Variants in HIVEP1 observed in about 807,000 individuals in gnomAD.
The protein encoded by HIVEP1 is zinc finger protein 40.
A neutral mutation model predicts 180.0 loss-of-function variants in HIVEP1; 36 were observed. That is an observed-to-expected ratio of 0.20 (90% CI 0.15 to 0.26). The LOEUF (loss-of-function observed/expected upper bound fraction) is 0.26, where lower values mean the gene tolerates loss of function less well. Among genes scored for constraint, HIVEP1 ranks in the 10% least tolerant of loss-of-function variants. The pLI is 1.00. For synonymous variants in HIVEP1, 1,239 were observed against 1,239.0 expected, an observed-to-expected ratio of 1.00 and a Z score of 0.00; for missense variants, 3,143 against 3,268.7, an observed-to-expected ratio of 0.96 and a Z score of 0.94.
intron 2 of HIVEP1, among the ~76,000 whole-genome samples, chr6:12,075,779 C>G (rs1772311851): frequency 6.6e-6 from 1 of 152,176 alleles, no homozygotes; most frequent in South Asian, 2.1e-4. Context: ...GGGATATCAT[C>G]TCATTCCTAT....
chr6:12,137,408 T>C (rs1050141469), intron 7 of HIVEP1, among the ~76,000 whole-genome samples: 1 of 152,202 alleles, frequency 6.6e-6, no homozygotes, highest in Non-Finnish European at 1.5e-5. Flanking sequence ...ATTTGCTGAC[T>C]GATTGACCTA....
intron 6 of HIVEP1, among the ~76,000 whole-genome samples, chr6:12,133,467 T>C (rs1758538861): frequency 6.6e-6 from 1 of 152,224 alleles, no homozygotes; most frequent in Non-Finnish European, 1.5e-5. Context: ...CTAGGAGATA[T>C]TTGCATTTCA....
At chr6:12,140,681 C>G (rs369864174) in intron 7 of HIVEP1, among the ~76,000 whole-genome samples, 3 of 152,240 alleles carry the variant, frequency 2.0e-5, no homozygotes, top group East Asian at 3.9e-4. Context: ...CTTAAATGAC[C>G]TGATGGAGCA....
chr6:12,071,593 G>A (rs979582438), intron 2 of HIVEP1, among the ~76,000 whole-genome samples: 1 of 152,158 alleles, frequency 6.6e-6, no homozygotes, highest in Non-Finnish European at 1.5e-5. Flanking sequence ...TAAACAGAAG[G>A]TGCTTTCAGT....
chr6:12,206,159 A>G, the HIVEP1 span, among the ~76,000 whole-genome samples: 2 of 152,098 alleles, frequency 1.3e-5, no homozygotes, highest in African/African-American at 4.8e-5. Context: ...TTGGAGACAG[A>G]GTCTCGCTCT....
chr6:12,020,913 C>T (rs1474410243), intron 2 of HIVEP1, among the ~76,000 whole-genome samples: 25 of 29,948 alleles, frequency 8.3e-4, no homozygotes, highest in South Asian at 1.8e-3. Flanking sequence ...TTTTTTGAGA[C>T]GGAGTCTCAC....
intron 2 of HIVEP1, among the ~76,000 whole-genome samples, chr6:12,083,353 G>T (rs1772912086): frequency 6.6e-6 from 1 of 152,078 alleles, no homozygotes; most frequent in African/African-American, 2.4e-5. Flanking sequence ...TTTGTATATA[G>T]AATTCCTGCC....
chr6:12,022,633 G>A (rs76235898), intron 2 of HIVEP1, among the ~76,000 whole-genome samples: 1,602 of 152,294 alleles, frequency 0.011, 18 homozygotes, highest in African/African-American at 0.037. Flanking sequence ...GTAAGCATTT[G>A]CCACAGTGCC....
intron 2 of HIVEP1, among the ~76,000 whole-genome samples, chr6:12,051,261 A>C (rs1343809151): frequency 2.0e-5 from 3 of 151,532 alleles, no homozygotes; most frequent in Non-Finnish European, 2.9e-5. Flanking sequence ...AATGTATTTC[A>C]CTGTCAGTCA....
chr6:12,049,432 C>CT (rs1203279015), intron 2 of HIVEP1, among the ~76,000 whole-genome samples: 17 of 152,232 alleles, frequency 1.1e-4, no homozygotes, highest in Non-Finnish European at 1.5e-5. Flanking sequence ...ACAGCACTGG[C>CT]TTTCTGTGTT....
intron 2 of HIVEP1, among the ~76,000 whole-genome samples, chr6:12,046,595 A>G (rs1379941909): frequency 6.6e-6 from 1 of 152,000 alleles, no homozygotes; most frequent in East Asian, 1.9e-4. Context: ...CCTGGCCAAC[A>G]TGGTAAAACC....
chr6:12,091,133 C>T (rs1194822284), intron 3 of HIVEP1, among the ~76,000 whole-genome samples: 6 of 152,072 alleles, frequency 3.9e-5, no homozygotes, highest in Non-Finnish European at 8.8e-5. Flanking sequence ...CATGAAAAGT[C>T]TGAGTAACAG....
chr6:12,065,918 C>G (rs930997791), intron 2 of HIVEP1, among the ~76,000 whole-genome samples: 5 of 152,100 alleles, frequency 3.3e-5, no homozygotes, highest in African/African-American at 9.7e-5. Flanking sequence ...GCACTCAGCA[C>G]ACAGGAAGCT....
intron 3 of HIVEP1, among the ~76,000 whole-genome samples, chr6:12,117,845 A>C (rs536153509): frequency 6.6e-6 from 1 of 152,096 alleles, no homozygotes; most frequent in African/African-American, 2.4e-5. Context: ...TTTCACCTTT[A>C]TGATACCCAC....
rs868722313 is a variant in HIVEP1, at chr6:12,164,105, C to T, written c.7801C>T (p.Gln2601Ter). 1 of 1,614,168 alleles carries T rather than the reference C, an allele frequency of 6.2e-7. No individual in the cohort carries two copies. Among genetic ancestry groups the T allele is most frequent in the East Asian group, 2.2e-5 (1 of 44,854 alleles). ...ANQVSRTESPQGLPTVQRENA... is the reference protein window; with the variant it reads ...ANQVSRTESP ...CCAGGTCAGCAGGACCGAGTCTCCT[C>T]AGGGGTTACCTACAGTCCAGCGGGA... The change falls in exon 9 of 9, where the codon CAG becomes TAG. Residue 2601 changes from glutamine to a stop codon, truncating the protein, a stop_gained. Coordinates refer to ENST00000379388, the MANE Select transcript of HIVEP1 (RefSeq NM_002114.4). LOFTEE classifies it low-confidence loss of function (END_TRUNC).
chr6:12,182,113 C>A, the HIVEP1 span, among the ~76,000 whole-genome samples: 2 of 152,148 alleles, frequency 1.3e-5, no homozygotes, highest in Non-Finnish European at 2.9e-5. Context: ...GAGTTTCAAG[C>A]ACTTCCTGTA....
chr6:12,030,258 G>C (rs1342597719), intron 2 of HIVEP1, among the ~76,000 whole-genome samples: 1 of 152,088 alleles, frequency 6.6e-6, no homozygotes, highest in Non-Finnish European at 1.5e-5. Flanking sequence ...GATGTGCTTA[G>C]TTGTGGATTT....
intron 2 of HIVEP1, among the ~76,000 whole-genome samples, chr6:12,029,054 AT>A (rs1236198786): frequency 6.6e-6 from 1 of 152,204 alleles, no homozygotes; most frequent in African/African-American, 2.4e-5. Flanking sequence ...GCTACATAAT[AT>A]TCTCTTATAT....
intron 3 of HIVEP1, among the ~76,000 whole-genome samples, chr6:12,108,983 T>TTTTTAC (rs1288042045): frequency 2.0e-5 from 3 of 152,186 alleles, no homozygotes; most frequent in African/African-American, 7.2e-5. Context: ...TTTATTTTTA[T>TTTTTAC]TTTTACTTTT....
Sources: allele counts gnomAD v4.1 joint callset (sites outside exome capture counted in the v4.1 genomes callset), GRCh38; gene constraint gnomAD v4.1.1; transcripts MANE v1.5; gene names NCBI Gene and HGNC (gene_info 2026-07-23, HGNC 2026-07-21).